Variants in ARIH1 observed in about 807,000 individuals in gnomAD.
ARIH1 encodes the protein E3 ubiquitin-protein ligase ARIH1.
A neutral mutation model predicts 85.0 loss-of-function variants in ARIH1; 8 were observed. The ratio of observed to expected loss-of-function variants is 0.09; its 90% confidence interval spans 0.06 to 0.17. ARIH1 has a LOEUF of 0.17. ARIH1 is among the 10% of genes least tolerant of loss of function. The pLI, the probability that ARIH1 is intolerant of heterozygous loss-of-function variation, is 1.00. For missense variants in ARIH1, 311 were observed against 718.1 expected, an observed-to-expected ratio of 0.43 and a Z score of 6.48; for synonymous variants, 238 against 253.6, an observed-to-expected ratio of 0.94 and a Z score of 0.59.
intron 3 of ARIH1, among the ~76,000 whole-genome samples, chr15:72,546,408 A>G (rs76181845): frequency 0.029 from 4,443 of 152,280 alleles, 114 homozygotes; most frequent in East Asian, 0.11. Context: ...TGAATTTTCA[A>G]ATTCTCAAGT....
At chr15:72,545,810 C>CA (rs1355457085) in intron 3 of ARIH1, among the ~76,000 whole-genome samples, 1 of 152,244 alleles carries the variant, frequency 6.6e-6, no homozygotes, top group Non-Finnish European at 1.5e-5. Context: ...GCCTGGGCGA[C>CA]AGAGTGAGAC....
intron 12 of ARIH1, chr15:72,581,868 G>A (rs771593579): frequency 2.8e-5 from 11 of 388,674 alleles, no homozygotes; most frequent in African/African-American, 1.0e-4. Flanking sequence ...GAAATCTTTC[G>A]TTCTTTTAAC....
At position 72,592,667 on chromosome 15, in the gene ARIH1, T is replaced by C. The variant is rs2064347830; in HGVS notation, c.*9375T>C. 1 of 152,240 alleles carries C rather than the reference T, an allele frequency of 6.6e-6. No individual in the cohort carries two copies. Among genetic ancestry groups the C allele is most frequent in the South Asian group, 2.1e-4 (1 of 4,836 alleles). 9.4% of individuals were successfully genotyped at this position (152,240 alleles called of 1,614,324 possible). ...TGGATTACATATAAGTGGAATCATA[T>C]AATAATGTACTCTTTTGCATCTGGC... is the stretch of plus-strand genomic sequence containing the variant. On this transcript the variant is annotated 3_prime_UTR_variant, in exon 14 of 14. Coordinates refer to ENST00000379887, the MANE Select transcript of ARIH1 (RefSeq NM_005744.5).
At chr15:72,574,510 C>T (rs182145203) in intron 11 of ARIH1, among the ~76,000 whole-genome samples, 1 of 152,274 alleles carries the variant, frequency 6.6e-6, no homozygotes, top group Admixed American at 6.5e-5. Flanking sequence ...CTTGATGGTA[C>T]CTTGACTGCC....
chr15:72,486,792 C>A (rs967756381), intron 1 of ARIH1, among the ~76,000 whole-genome samples: 2 of 137,380 alleles, frequency 1.5e-5, no homozygotes, highest in Non-Finnish European at 3.0e-5. Context: ...CTCCTGGGTT[C>A]AAGTGATTAT....
At chr15:72,509,008 T>TC (rs916131571) in intron 1 of ARIH1, among the ~76,000 whole-genome samples, 1 of 151,402 alleles carries the variant, frequency 6.6e-6, no homozygotes, top group African/African-American at 2.4e-5. Flanking sequence ...TTTTTTTTTT[T>TC]TGAGACTGAG....
At chr15:72,498,958 TA>T (rs2063891269) in intron 1 of ARIH1, among the ~76,000 whole-genome samples, 2 of 144,668 alleles carry the variant, frequency 1.4e-5, no homozygotes, top group African/African-American at 5.2e-5. Context: ...CACCTTTTCA[TA>T]AATTTTTTTT....
chr15:72,528,668 A>G (rs923875102), intron 2 of ARIH1, among the ~76,000 whole-genome samples: 13 of 152,106 alleles, frequency 8.5e-5, no homozygotes, highest in Non-Finnish European at 5.9e-5. Context: ...AGCCTGGACA[A>G]CATAGGGAGA....
chr15:72,492,322 T>G (rs540555042), intron 1 of ARIH1, among the ~76,000 whole-genome samples: 1 of 152,244 alleles, frequency 6.6e-6, no homozygotes, highest in East Asian at 1.9e-4. Context: ...CACCAAGAGA[T>G]TCTGGAAGAA....
rs186149039 is a variant in ARIH1 at position 72,548,593 on chromosome 15, G to A, written c.588+3629G>A. 9.4e-4 allele frequency among the ~76,000 whole-genome samples: 143 copies of A among 152,328 alleles called. 1 individual carries two copies. Among genetic ancestry groups the A allele is most frequent in the South Asian group, 8.5e-3 (41 of 4,828 alleles). ...GGTAAGGCATTATGGAAACTGCTAA[G>A]TGTTCCGAAAAGTATCATGACAAAA... On this transcript the variant is annotated intron_variant, in intron 3 of 13. Transcript: ENST00000379887.
intron 2 of ARIH1, among the ~76,000 whole-genome samples, chr15:72,533,499 A>C (rs2064067516): frequency 6.6e-6 from 1 of 152,276 alleles, no homozygotes; most frequent in South Asian, 2.1e-4. Context: ...AAAAATCAGA[A>C]TCTGGAGGTA....
chr15:72,580,683 C>G (rs1453985524), intron 11 of ARIH1, 48 bp from the exon 12 acceptor site: 3 of 1,526,044 alleles, frequency 2.0e-6, no homozygotes, highest in Non-Finnish European at 2.7e-6. Flanking sequence ...CTTTTATGTA[C>G]AGTTTATGTG....
chr15:72,476,066 C>T (rs1424290640), intron 1 of ARIH1, among the ~76,000 whole-genome samples: 1 of 152,192 alleles, frequency 6.6e-6, no homozygotes, highest in Non-Finnish European at 1.5e-5. Context: ...CAGCAAGTTA[C>T]TATTGCCTCT....
intron 1 of ARIH1, among the ~76,000 whole-genome samples, chr15:72,497,910 ATATAC>A (rs762909930): frequency 5.3e-5 from 8 of 152,218 alleles, no homozygotes; most frequent in Non-Finnish European, 1.0e-4. Context: ...TATAAACTCC[ATATAC>A]TATATTGAGG....
Position 72,601,668 on chromosome 15 carries a change from G to A in ARIH1, c.*18376G>A, listed in dbSNP as rs569852028. 6.6e-6 allele frequency: 1 copy of A among 152,172 alleles called. No individual in the cohort carries two copies. The highest frequency in any genetic ancestry group is 2.4e-5 in the African/African-American group (1 of 41,496). 9.4% of individuals were successfully genotyped at this position (152,172 alleles called of 1,614,324 possible). A position where few individuals can be genotyped will look rare whatever the true frequency, so the allele number is the denominator to read the frequency against. The stretch of plus-strand genomic sequence containing the variant: ...TGGCTCCCCATTGTTTGTTCTAACT[G>A]TTCTATATTTCTCCTTCTTAGCATT... On this transcript the variant is annotated 3_prime_UTR_variant, in exon 14 of 14. Coordinates refer to ENST00000379887, the MANE Select transcript of ARIH1 (RefSeq NM_005744.5).
chr15:72,476,540 A>AT (rs2063795773), intron 1 of ARIH1, among the ~76,000 whole-genome samples: 1 of 151,446 alleles, frequency 6.6e-6, no homozygotes. Context: ...AATTTTTTGT[A>AT]TTTTTAGTAG....
chr15:72,583,387 C>A lies in ARIH1; in HGVS notation c.*95C>A. On this transcript the variant is annotated 3_prime_UTR_variant, in exon 14 of 14. Transcript: ENST00000379887. ...AAACACAAACAAGGAGGCACTAAGC[C>A]TATTCTGACACCACTGGTCTGTAGT... 1 of 918,888 alleles carries A rather than the reference C, an allele frequency of 1.1e-6. No homozygotes were observed. The highest frequency in any genetic ancestry group is 1.7e-6 in the Non-Finnish European group (1 of 581,202). 56.9% of individuals were successfully genotyped at this position (918,888 alleles called of 1,614,324 possible). A position where few individuals can be genotyped will look rare whatever the true frequency, so the allele number is the denominator to read the frequency against.
At chr15:72,504,133 C>A in intron 1 of ARIH1, among the ~76,000 whole-genome samples, 1 of 152,206 alleles carries the variant, frequency 6.6e-6, no homozygotes, top group East Asian at 1.9e-4. Flanking sequence ...TGGCTCACTG[C>A]AACCTCTGCC....
chr15:72,496,962 AT>A, intron 1 of ARIH1: 1 of 474,180 alleles, frequency 2.1e-6, no homozygotes, highest in Non-Finnish European at 2.8e-6. Flanking sequence ...AGGGCACATC[AT>A]TTATCCTATA....
Sources: allele counts gnomAD v4.1 joint callset (sites outside exome capture counted in the v4.1 genomes callset), GRCh38; gene constraint gnomAD v4.1.1; transcripts MANE v1.5; gene names NCBI Gene and HGNC (gene_info 2026-07-23, HGNC 2026-07-21).